TCF12: variants seen among roughly 807,000 people sequenced by gnomAD.
TCF12 encodes transcription factor 12.
TCF12 carries 45 observed loss-of-function variants against 86.0 expected under a neutral mutation model. The observed-to-expected ratio is 0.52, with a 90% CI of 0.41 to 0.67. TCF12 has a LOEUF of 0.67. Among genes scored for constraint, TCF12 ranks in the 30% least tolerant of loss-of-function variants. TCF12 has a pLI of 0.00. For synonymous variants in TCF12, 330 were observed against 299.6 expected, an observed-to-expected ratio of 1.10 and a Z score of -1.05; for missense variants, 881 against 859.9, an observed-to-expected ratio of 1.02 and a Z score of -0.31.
At chr15:57,077,379 A>AT (rs1212052276) in intron 4 of TCF12, among the ~76,000 whole-genome samples, 7 of 48,658 alleles carry the variant, frequency 1.4e-4, no homozygotes, top group East Asian at 6.6e-4. Flanking sequence ...GTGTGTATAT[A>AT]TATTTTTTTT....
intron 19 of TCF12, among the ~76,000 whole-genome samples, chr15:57,275,199 C>A (rs2152106988): frequency 6.6e-6 from 1 of 152,256 alleles, no homozygotes; most frequent in African/African-American, 2.4e-5. Flanking sequence ...TTCAAATACA[C>A]TGAACTGTAA....
intron 5 of TCF12, among the ~76,000 whole-genome samples, chr15:57,120,547 A>G (rs1402413583): frequency 6.6e-6 from 1 of 152,202 alleles, no homozygotes. Flanking sequence ...AGTTGTTTGA[A>G]TGCATATCTG....
At chr15:56,999,094 A>C (rs1197477178) in intron 3 of TCF12, among the ~76,000 whole-genome samples, 1 of 151,498 alleles carries the variant, frequency 6.6e-6, no homozygotes, top group Non-Finnish European at 1.5e-5. Flanking sequence ...GCTAATCGGG[A>C]GGCTGAGGCA....
At chr15:57,232,586 G>A (rs1369531586) in intron 10 of TCF12, 126 bp from the exon 11 acceptor site, 1 of 1,435,520 alleles carries the variant, frequency 7.0e-7, no homozygotes, top group African/African-American at 1.4e-5. Context: ...AAAAATAAAT[G>A]ACAATAAGTA....
chr15:57,090,162 G>T (rs1464336677), intron 4 of TCF12, among the ~76,000 whole-genome samples: 1 of 152,130 alleles, frequency 6.6e-6, no homozygotes, highest in Non-Finnish European at 1.5e-5. Context: ...AGGCTAGTCA[G>T]CAGTGATCAC....
intron 5 of TCF12, among the ~76,000 whole-genome samples, chr15:57,145,906 A>G (rs1417252515): frequency 2.0e-5 from 3 of 152,328 alleles, no homozygotes; most frequent in Admixed American, 6.5e-5. Flanking sequence ...GAATCATCCA[A>G]GGATCTTGCT....
chr15:57,049,747 A>C (rs2067486013), intron 3 of TCF12, among the ~76,000 whole-genome samples: 1 of 152,238 alleles, frequency 6.6e-6, no homozygotes, highest in Non-Finnish European at 1.5e-5. Flanking sequence ...AGAGTTGAGA[A>C]GTATTTTAAT....
intron 3 of TCF12, among the ~76,000 whole-genome samples, chr15:57,007,489 G>T (rs541731783): frequency 6.6e-6 from 1 of 152,274 alleles, no homozygotes; most frequent in South Asian, 2.1e-4. Context: ...TGTTCTTCAC[G>T]TTGTTATAAG....
At chr15:57,035,599 A>G (rs1170636863) in intron 3 of TCF12, among the ~76,000 whole-genome samples, 3 of 152,230 alleles carry the variant, frequency 2.0e-5, no homozygotes, top group African/African-American at 4.8e-5. Context: ...AAATAAGAGC[A>G]TGAAAAGTGT....
intron 3 of TCF12, among the ~76,000 whole-genome samples, chr15:57,020,678 A>G (rs1030315261): frequency 2.0e-5 from 3 of 152,200 alleles, no homozygotes; most frequent in Admixed American, 2.0e-4. Context: ...CGAAATAAAC[A>G]TATATTGTTT....
intron 12 of TCF12, among the ~76,000 whole-genome samples, chr15:57,236,709 G>T (rs2059394396): frequency 6.6e-6 from 1 of 152,104 alleles, no homozygotes; most frequent in Non-Finnish European, 1.5e-5. Context: ...ATTTGCAAAG[G>T]TTCCTTTATT....
At chr15:57,124,103 C>CT (rs1167170612) in intron 5 of TCF12, among the ~76,000 whole-genome samples, 7 of 151,880 alleles carry the variant, frequency 4.6e-5, no homozygotes, top group Non-Finnish European at 8.8e-5. Context: ...ATGTGAGCCA[C>CT]TGTGTCTGGT....
intron 3 of TCF12, among the ~76,000 whole-genome samples, chr15:57,023,886 A>G (rs2065651799): frequency 6.6e-6 from 1 of 152,188 alleles, no homozygotes; most frequent in Admixed American, 6.5e-5. Context: ...ACCTCAGATC[A>G]TCAGGCATTA....
chr15:57,286,891 G>A lies in TCF12; in HGVS notation c.*746G>A, dbSNP rs1317132742. The A allele has an allele frequency of 6.2e-6, 2 of 320,138 alleles. No homozygotes were observed. Among genetic ancestry groups the A allele is most frequent in the East Asian group, 1.6e-4 (2 of 12,324 alleles). The allele number at this position is 320,138 out of a possible 1,614,324, so 19.8% of individuals were successfully genotyped here. A position where few individuals can be genotyped will look rare whatever the true frequency, so the allele number is the denominator to read the frequency against. ...TCCAGCCTCCTCCGTGCAGCCCTGT[G>A]TGCTTTGCACATTTACCTTACAGTG... On this transcript the variant is annotated 3_prime_UTR_variant, in exon 21 of 21. Coordinates refer to ENST00000333725, the MANE Select transcript of TCF12 (RefSeq NM_207037.2).
At chr15:57,194,794 A>C (rs1425858678) in intron 7 of TCF12, among the ~76,000 whole-genome samples, 4 of 152,200 alleles carry the variant, frequency 2.6e-5, no homozygotes, top group Non-Finnish European at 5.9e-5. Context: ...CCCTTTTTAC[A>C]TGGAGGTAAC....
intron 3 of TCF12, among the ~76,000 whole-genome samples, chr15:56,974,680 A>G (rs979668987): frequency 6.6e-6 from 1 of 152,080 alleles, no homozygotes. Flanking sequence ...AAGTTTTTAT[A>G]TAGGAGGAAA....
intron 16 of TCF12, among the ~76,000 whole-genome samples, chr15:57,260,538 T>A (rs1420520482): frequency 6.6e-6 from 1 of 152,192 alleles, no homozygotes; most frequent in Non-Finnish European, 1.5e-5. Flanking sequence ...ACAGAATTAG[T>A]ATATATTGCC....
intron 5 of TCF12, among the ~76,000 whole-genome samples, chr15:57,130,397 T>G (rs188021702): frequency 9.2e-5 from 14 of 152,334 alleles, no homozygotes; most frequent in Admixed American, 9.1e-4. Flanking sequence ...ACGTGCATAC[T>G]GACTTTTGTT....
intron 12 of TCF12, among the ~76,000 whole-genome samples, chr15:57,234,469 C>T (rs969938772): frequency 6.6e-6 from 1 of 152,018 alleles, no homozygotes; most frequent in Non-Finnish European, 1.5e-5. Context: ...AGAAACTTTT[C>T]CAAGATCAAA....
Sources: allele counts gnomAD v4.1 joint callset (sites outside exome capture counted in the v4.1 genomes callset), GRCh38; gene constraint gnomAD v4.1.1; transcripts MANE v1.5; gene names NCBI Gene and HGNC (gene_info 2026-07-23, HGNC 2026-07-21).